CNTNAP3: variants seen among roughly 807,000 people sequenced by gnomAD.
CNTNAP3 encodes contactin-associated protein-like 3.
Under a neutral mutation model 92.1 loss-of-function variants are expected in CNTNAP3, and 36 were observed. The observed-to-expected ratio is 0.39, with a 90% CI of 0.30 to 0.52. The LOEUF (loss-of-function observed/expected upper bound fraction) is 0.52, where lower values mean the gene tolerates loss of function less well. CNTNAP3 is among the 20% of genes least tolerant of loss of function. CNTNAP3 has a pLI of 0.76. For missense variants in CNTNAP3, 534 were observed against 1,069.6 expected, an observed-to-expected ratio of 0.50 and a Z score of 6.98; for synonymous variants, 232 against 422.3, an observed-to-expected ratio of 0.55 and a Z score of 5.53.
intron 20 of CNTNAP3, 40 bp downstream of exon 20, chr9:39,086,676 A>G (rs1245733370): frequency 6.3e-7 from 1 of 1,590,434 alleles, no homozygotes. Flanking sequence ...TCTTAAAATA[A>G]TAATATTAGT....
chr9:39,078,541 G>A lies in CNTNAP3; in HGVS notation c.3674-85C>T, dbSNP rs1587694130. ...CACATAGCAAACTTGTCAATTAAAA[G>A]TGAATTAAAATAAGAACATCACAAA... On this transcript the variant is annotated intron_variant, in intron 22 of 23. Transcript: ENST00000297668. 1.7e-5 allele frequency: 27 copies of A among 1,583,466 alleles called. No individual in the cohort carries two copies. In the East Asian group the frequency reaches 6.1e-4, roughly 36 times the overall value.
chr9:39,141,476 A>T (rs1430084549), intron 11 of CNTNAP3, among the ~76,000 whole-genome samples: 7 of 152,312 alleles, frequency 4.6e-5, no homozygotes, highest in African/African-American at 1.7e-4. Flanking sequence ...GCAAGTGACA[A>T]TTCAAGACAG....
At chr9:39,098,679 T>A (rs934206411) in intron 18 of CNTNAP3, among the ~76,000 whole-genome samples, 1 of 152,172 alleles carries the variant, frequency 6.6e-6, no homozygotes. Flanking sequence ...TGAGATTTGT[T>A]AGCACAGAGA....
intron 21 of CNTNAP3, among the ~76,000 whole-genome samples, chr9:39,081,873 T>A (rs1269027124): frequency 6.8e-6 from 1 of 145,998 alleles, no homozygotes; most frequent in East Asian, 2.1e-4. Flanking sequence ...GGTCAGGAGA[T>A]CAAGACCATC....
At chr9:39,090,131 G>T (rs1826157124) in intron 18 of CNTNAP3, among the ~76,000 whole-genome samples, 1 of 152,078 alleles carries the variant, frequency 6.6e-6, no homozygotes, top group South Asian at 2.1e-4. Context: ...AGTAGAGATG[G>T]GGTTTCACTG....
chr9:39,115,066 T>G (rs924869931), intron 14 of CNTNAP3, among the ~76,000 whole-genome samples: 4 of 151,784 alleles, frequency 2.6e-5, no homozygotes, highest in African/African-American at 9.7e-5. Flanking sequence ...TGATAGAATA[T>G]TCTTACTGTG....
chr9:39,103,254 C>G (rs919551000), intron 16 of CNTNAP3, among the ~76,000 whole-genome samples: 1 of 152,280 alleles, frequency 6.6e-6, no homozygotes, highest in Non-Finnish European at 1.5e-5. Flanking sequence ...TGGATTATTA[C>G]GTGCTTCATG....
chr9:39,087,066 T>A (rs529085483), intron 19 of CNTNAP3, among the ~76,000 whole-genome samples: 2 of 152,200 alleles, frequency 1.3e-5, no homozygotes, highest in South Asian at 4.1e-4. Flanking sequence ...ATTTGAAAAG[T>A]CAAGACTAAA....
intron 18 of CNTNAP3, among the ~76,000 whole-genome samples, chr9:39,090,310 C>A (rs2645531): frequency 0.24 from 36,205 of 151,946 alleles, 4,604 homozygotes; most frequent in East Asian, 0.38. Context: ...ATTTGCAATA[C>A]TTTCTTCCAT....
At chr9:39,105,381 C>T (rs148149950) in intron 15 of CNTNAP3, among the ~76,000 whole-genome samples, 1,834 of 152,222 alleles carry the variant, frequency 0.012, 41 homozygotes, top group African/African-American at 0.041. Context: ...GAGGTGAGAT[C>T]ATGCCACTGC....
At chr9:39,114,746 C>T (rs896025331) in intron 14 of CNTNAP3, among the ~76,000 whole-genome samples, 5 of 151,644 alleles carry the variant, frequency 3.3e-5, no homozygotes, top group Admixed American at 3.3e-4. Flanking sequence ...TTATTTTATG[C>T]TTTTTTTTGT....
intron 19 of CNTNAP3, among the ~76,000 whole-genome samples, chr9:39,087,293 T>A (rs1423684205): frequency 6.6e-6 from 1 of 152,286 alleles, no homozygotes; most frequent in Non-Finnish European, 1.5e-5. Flanking sequence ...GCATAAAGAT[T>A]TTTTTATAGC....
chr9:39,124,211 T>G (rs546378991), intron 13 of CNTNAP3, among the ~76,000 whole-genome samples: 1 of 152,272 alleles, frequency 6.6e-6, no homozygotes, highest in Non-Finnish European at 1.5e-5. Context: ...GGAATAGTGT[T>G]GTTTGAAAGT....
At chr9:39,110,496 A>ATTT (rs1826719157) in intron 14 of CNTNAP3, among the ~76,000 whole-genome samples, 1 of 152,166 alleles carries the variant, frequency 6.6e-6, no homozygotes, top group Non-Finnish European at 1.5e-5. Flanking sequence ...TAAAAAATAT[A>ATTT]TTTTAGTCTC....
intron 21 of CNTNAP3, among the ~76,000 whole-genome samples, chr9:39,084,514 T>C (rs952471829): frequency 6.6e-6 from 1 of 152,074 alleles, no homozygotes; most frequent in East Asian, 1.9e-4. Flanking sequence ...TATTTTTAAA[T>C]GAAGGGATGA....
Position 39,174,340 on chromosome 9 carries a change from G to A in CNTNAP3, c.1071+1609C>T, listed in dbSNP as rs1822291733. On this transcript the variant is annotated intron_variant, in intron 7 of 23. Coordinates refer to ENST00000297668, the MANE Select transcript of CNTNAP3 (RefSeq NM_033655.5). ...TTTTCATTTTTATGATCTCAGCAGG[G>A]TGCTGTTCATAGTAAAACTTAGACT... is the stretch of plus-strand genomic sequence containing the variant. The A allele has an allele frequency of 1.1e-5, 6 of 542,438 alleles. No homozygotes were observed. The South Asian group carries it at 1.2e-4, about 11-fold the overall frequency. 33.6% of individuals were successfully genotyped at this position (542,438 alleles called of 1,614,324 possible).
rs566944479 is a variant in CNTNAP3, at chr9:39,145,925, C to T, written c.1650-1579G>A. Among the ~76,000 whole-genome samples, 4 of 144,758 alleles carry T rather than the reference C, an allele frequency of 2.8e-5. No homozygotes were observed. In the East Asian group the frequency reaches 6.3e-4, roughly 23 times the overall value. The allele number at this position is 144,758 out of a possible 152,430, so 95.0% of individuals were successfully genotyped here. A position where few individuals can be genotyped will look rare whatever the true frequency, so the allele number is the denominator to read the frequency against. ...ACATCCTTCTCCCTCTCCTCCCCTTCCTTCTTAATATAATGGAGCATCTTA... is the reference window on the plus strand; with the variant it reads ...ACATCCTTCTCCCTCTCCTCCCCTTTCTTCTTAATATAATGGAGCATCTTA... On this transcript the variant is annotated intron_variant, in intron 10 of 23. Transcript: ENST00000297668.
intron 13 of CNTNAP3, among the ~76,000 whole-genome samples, chr9:39,120,252 T>C (rs1161468424): frequency 2.0e-5 from 3 of 152,180 alleles, no homozygotes; most frequent in Admixed American, 1.3e-4. Context: ...ATTTGAATGA[T>C]AGTAGATTAC....
chr9:39,107,600 G>T (rs1306826014), intron 15 of CNTNAP3, among the ~76,000 whole-genome samples: 1 of 152,160 alleles, frequency 6.6e-6, no homozygotes, highest in Non-Finnish European at 1.5e-5. Context: ...AATCACAGAG[G>T]TAACAGATAA....
Sources: gnomAD v4.1 joint callset for allele counts (sites outside exome capture counted in the v4.1 genomes callset) on GRCh38, gnomAD v4.1.1 for gene constraint, MANE v1.5 for transcripts, NCBI Gene and HGNC (gene_info 2026-07-23, HGNC 2026-07-21) for gene names.